DOCK3: variants seen among roughly 807,000 people sequenced by gnomAD.
DOCK3 encodes dedicator of cytokinesis protein 3.
DOCK3 carries 60 observed loss-of-function variants against 265.6 expected under a neutral mutation model. That is an observed-to-expected ratio of 0.23 (90% CI 0.18 to 0.28). The LOEUF is 0.28. Ranked by LOEUF, DOCK3 falls within the 10% of genes least tolerant of loss-of-function variation. DOCK3 has a pLI of 1.00. For missense variants in DOCK3, 1,981 were observed against 2,594.3 expected, an observed-to-expected ratio of 0.76 and a Z score of 5.14; for synonymous variants, 881 against 938.0, an observed-to-expected ratio of 0.94 and a Z score of 1.11.
chr3:51,245,404 T>C (rs1277507905), intron 21 of DOCK3, among the ~76,000 whole-genome samples: 1 of 150,444 alleles, frequency 6.6e-6, no homozygotes, highest in Non-Finnish European at 1.5e-5. Context: ...TTTTTTTTTT[T>C]TTTTGAGACG....
At chr3:51,111,278 G>GGA (rs2109838744) in intron 9 of DOCK3, among the ~76,000 whole-genome samples, 1 of 152,140 alleles carries the variant, frequency 6.6e-6, no homozygotes, top group South Asian at 2.1e-4. Context: ...GGACAAAGCA[G>GGA]GAGACATCAT....
intron 5 of DOCK3, among the ~76,000 whole-genome samples, chr3:51,032,158 G>A (rs1000854298): frequency 6.7e-6 from 1 of 148,432 alleles, no homozygotes; most frequent in Non-Finnish European, 1.5e-5. Flanking sequence ...AAGTGTGCAT[G>A]TTAATTCCAA....
At chr3:50,767,059 T>C (rs1187317372) in intron 1 of DOCK3, among the ~76,000 whole-genome samples, 3 of 152,194 alleles carry the variant, frequency 2.0e-5, no homozygotes, top group African/African-American at 7.2e-5. Flanking sequence ...ATTCTCCCAT[T>C]CTGTAGGTTG....
chr3:51,095,851 CAAAAAAAA>C (rs71278627), intron 9 of DOCK3, among the ~76,000 whole-genome samples: 18 of 9,800 alleles, frequency 1.8e-3, no homozygotes, highest in South Asian at 9.6e-3. Context: ...ATAAGGTTAG[CAAAAAAAA>C]AAAAAAAAAA....
chr3:51,140,383 C>T (rs1368981041), intron 9 of DOCK3, among the ~76,000 whole-genome samples: 1 of 152,154 alleles, frequency 6.6e-6, no homozygotes, highest in African/African-American at 2.4e-5. Flanking sequence ...GCTTCCATTA[C>T]TTAGAATATT....
intron 9 of DOCK3, among the ~76,000 whole-genome samples, chr3:51,096,771 C>T (rs536096035): frequency 4.9e-4 from 74 of 152,306 alleles, no homozygotes; most frequent in Non-Finnish European, 8.7e-4. Flanking sequence ...TCCTCATCTT[C>T]GTGGATTTAT....
intron 27 of DOCK3, among the ~76,000 whole-genome samples, chr3:51,309,082 C>T (rs1419312076): frequency 2.6e-4 from 40 of 151,336 alleles, no homozygotes; most frequent in Admixed American, 1.8e-3. Flanking sequence ...CGGGCAGAGA[C>T]GCTCCTCACT....
At chr3:51,242,673 T>C (rs1443634767) in intron 21 of DOCK3, among the ~76,000 whole-genome samples, 1 of 152,070 alleles carries the variant, frequency 6.6e-6, no homozygotes, top group Non-Finnish European at 1.5e-5. Context: ...GGATCTGCTA[T>C]TCTCTGCACA....
intron 4 of DOCK3, chr3:50,901,656 T>A (rs1168344701): frequency 4.4e-6 from 2 of 454,034 alleles, no homozygotes; most frequent in Non-Finnish European, 8.8e-6. Context: ...GGGAAAAGCA[T>A]AGTAACTGGG....
chr3:50,950,802 C>T (rs563475820), intron 5 of DOCK3, among the ~76,000 whole-genome samples: 14 of 152,228 alleles, frequency 9.2e-5, no homozygotes, highest in Admixed American at 5.2e-4. Flanking sequence ...AAATGCAGTC[C>T]TCCTTATTGC....
intron 12 of DOCK3, among the ~76,000 whole-genome samples, chr3:51,177,149 C>T (rs1468318701): frequency 2.0e-5 from 3 of 152,148 alleles, no homozygotes; most frequent in Non-Finnish European, 4.4e-5. Flanking sequence ...GCAGGTGACT[C>T]AGCAAGTTGA....
chr3:50,797,305 C>G (rs998806690), intron 2 of DOCK3, among the ~76,000 whole-genome samples: 10 of 152,280 alleles, frequency 6.6e-5, no homozygotes, highest in African/African-American at 2.4e-4. Flanking sequence ...ATGGGGTAGT[C>G]ACTCAGAAAG....
At chr3:51,346,095 T>A (rs1281761575) in intron 38 of DOCK3, among the ~76,000 whole-genome samples, 1 of 152,130 alleles carries the variant, frequency 6.6e-6, no homozygotes, top group East Asian at 1.9e-4. Context: ...GGAGCCTGGG[T>A]AAAATATCAA....
chr3:51,230,557 G>T (rs183356728), intron 19 of DOCK3, among the ~76,000 whole-genome samples: 1 of 151,588 alleles, frequency 6.6e-6, no homozygotes, highest in African/African-American at 2.4e-5. Context: ...TCACTCTGTC[G>T]CCAGGCTGGA....
At chr3:50,699,033 A>G (rs1255803194) in intron 1 of DOCK3, among the ~76,000 whole-genome samples, 2 of 152,214 alleles carry the variant, frequency 1.3e-5, no homozygotes, top group Non-Finnish European at 2.9e-5. Context: ...TTGGCGTATC[A>G]AGGAAATCAG....
In DOCK3 at chr3:51,374,410, T is replaced by A. The variant is rs574143747; in HGVS notation, c.5294-59T>A. 2 of 1,524,256 alleles carry A rather than the reference T, an allele frequency of 1.3e-6. No individual in the cohort carries two copies. The highest frequency in any genetic ancestry group is 2.7e-5 in the African/African-American group (2 of 72,880). The allele number at this position is 1,524,256 out of a possible 1,614,324, so 94.4% of individuals were successfully genotyped here. On this transcript the variant is annotated intron_variant, in intron 49 of 52. Transcript: ENST00000266037. The surrounding 1 kb of genome is among the most constrained non-coding windows in gnomAD (Gnocchi z 4.8). ...TTCCCTAGTCCTGAGGATGCTTGAC[T>A]GCTGGACCCTCCATCTGTGGCTTGT...
intron 22 of DOCK3, among the ~76,000 whole-genome samples, chr3:51,259,415 A>T (rs925964459): frequency 3.9e-5 from 6 of 152,158 alleles, no homozygotes; most frequent in Non-Finnish European, 4.4e-5. Flanking sequence ...ATTAGAAAAC[A>T]TAGTATTGGG....
intron 1 of DOCK3, among the ~76,000 whole-genome samples, chr3:50,772,902 C>G (rs2041363615): frequency 6.6e-6 from 1 of 151,704 alleles, no homozygotes. Context: ...TGTCAAAGTA[C>G]CAATGACATT....
chr3:50,771,932 C>T (rs1256400918), intron 1 of DOCK3, among the ~76,000 whole-genome samples: 2 of 152,306 alleles, frequency 1.3e-5, no homozygotes, highest in East Asian at 3.9e-4. Context: ...TCAGCAGTCC[C>T]ACTGCTGGGT....
Sources: gnomAD v4.1 joint callset for allele counts (sites outside exome capture counted in the v4.1 genomes callset) on GRCh38, gnomAD v4.1.1 for gene constraint, Gnocchi (gnomAD v3.1) non-coding constraint, MANE v1.5 for transcripts, NCBI Gene and HGNC (gene_info 2026-07-23, HGNC 2026-07-21) for gene names.